Variants in SH3GL1 observed in about 807,000 individuals in gnomAD.
The protein encoded by SH3GL1 is SH3 domain containing GRB2 like 1, endophilin A2.
In SH3GL1, 21 loss-of-function variants were observed where a neutral mutation model predicts 48.8. That is an observed-to-expected ratio of 0.43 (90% confidence interval 0.30 to 0.62). The LOEUF is 0.62. SH3GL1 is among the 20% of genes least tolerant of loss of function. The probability of loss-of-function intolerance (pLI) is 0.11; values close to 1 mark genes in which losing one functional copy is unlikely to be tolerated. For missense variants in SH3GL1, 454 were observed against 503.0 expected (o/e 0.90, Z 0.93); for synonymous variants, 282 against 217.5 (o/e 1.30, Z -2.61).
chr19:4,372,356 G>A (rs968600934), intron 1 of SH3GL1, among the ~76,000 whole-genome samples: 2 of 152,226 alleles, frequency 1.3e-5, no homozygotes, highest in Non-Finnish European at 2.9e-5. Flanking sequence ...CGAGTGCTCA[G>A]CCCCTCCTCA....
chr19:4,362,285 C>T (rs370030379), intron 9 of SH3GL1, 44 bp downstream of exon 9: 145 of 1,590,288 alleles, frequency 9.1e-5, no homozygotes, highest in Middle Eastern at 3.3e-4. Context: ...CCCGAATGGC[C>T]GAGAAGGCAG....
chr19:4,394,008 C>A (rs1267269084), intron 1 of SH3GL1, among the ~76,000 whole-genome samples: 2 of 151,170 alleles, frequency 1.3e-5, no homozygotes, highest in East Asian at 3.9e-4. Context: ...AACCCAGGGC[C>A]TAAGGAGCAT....
intron 1 of SH3GL1, among the ~76,000 whole-genome samples, chr19:4,393,338 G>A (rs1394916324): frequency 2.0e-5 from 3 of 151,932 alleles, no homozygotes; most frequent in African/African-American, 4.8e-5. Flanking sequence ...AAAAGGTCAG[G>A]GCCAAGCACA....
chr19:4,393,731 AGT>A (rs1973377978), intron 1 of SH3GL1, among the ~76,000 whole-genome samples: 1 of 152,182 alleles, frequency 6.6e-6, no homozygotes, highest in Non-Finnish European at 1.5e-5. Context: ...CAGAGGTTGC[AGT>A]GAGCAGAGAT....
At chr19:4,370,231 G>A (rs1226921584) in intron 1 of SH3GL1, among the ~76,000 whole-genome samples, 1 of 152,216 alleles carries the variant, frequency 6.6e-6, no homozygotes, top group Admixed American at 6.5e-5. Context: ...CTACCGGTGG[G>A]GAGGGAGGAC....
chr19:4,387,760 G>A (rs1413778226), intron 1 of SH3GL1, among the ~76,000 whole-genome samples: 17 of 152,026 alleles, frequency 1.1e-4, no homozygotes, highest in Admixed American at 1.1e-3. Context: ...CTTGGCTCAA[G>A]GCAACCTTCA....
At chr19:4,374,865 G>A (rs755028725) in intron 1 of SH3GL1, among the ~76,000 whole-genome samples, 7 of 152,126 alleles carry the variant, frequency 4.6e-5, no homozygotes, top group Admixed American at 2.0e-4. Flanking sequence ...CCTGGTGGCC[G>A]TATGGGGCCT....
At chr19:4,396,716 C>A (rs990046041) in intron 1 of SH3GL1, among the ~76,000 whole-genome samples, 2 of 151,958 alleles carry the variant, frequency 1.3e-5, no homozygotes, top group African/African-American at 4.8e-5. Context: ...ACATTTGGGG[C>A]CAGGTAATTC....
intron 1 of SH3GL1, among the ~76,000 whole-genome samples, chr19:4,387,661 T>G (rs1356660630): frequency 6.6e-6 from 1 of 152,038 alleles, no homozygotes; most frequent in African/African-American, 2.4e-5. Context: ...TTCACTCTAT[T>G]GTTTTGCTGC....
In SH3GL1 at chr19:4,400,097, C is replaced by T. The variant is rs377073093; in HGVS notation, c.45+227G>A. Among the ~76,000 whole-genome samples the T allele has an allele frequency of 1.3e-3, 199 of 152,250 alleles. 4 individuals carry two copies. The highest frequency in any genetic ancestry group is 4.3e-3 in the African/African-American group (177 of 41,562). Reference sequence around the variant, plus strand: ...CCCTGGGCAGCCCAGGGTGCCTCTCCCCTCCTCCCAGGGGCTCTGTCCCCG... The same window carrying T: ...CCCTGGGCAGCCCAGGGTGCCTCTCTCCTCCTCCCAGGGGCTCTGTCCCCG... On this transcript the variant is annotated intron_variant, in intron 1 of 9. Transcript: ENST00000269886. The surrounding 1 kb of genome is among the most constrained non-coding windows in gnomAD (Gnocchi z 4.1).
At position 4,396,861 on chromosome 19, in the gene SH3GL1, G is replaced by A. The variant is rs12975340; in HGVS notation, c.45+3463C>T. ...CCAGACATTGTCAATGTCCCCTGGA[G>A]GACAGAACTGGCCCTGTTTTACAGG... On this transcript the variant is annotated intron_variant, in intron 1 of 9. Coordinates refer to ENST00000269886, the MANE Select transcript of SH3GL1 (RefSeq NM_003025.4). 7.7e-3 allele frequency among the ~76,000 whole-genome samples: 1,172 copies of A among 152,286 alleles called. 10 individuals carry two copies. Among genetic ancestry groups the A allele is most frequent in the Non-Finnish European group, 0.014 (948 of 68,018 alleles).
At chr19:4,381,344 G>A (rs1973124003) in intron 1 of SH3GL1, among the ~76,000 whole-genome samples, 1 of 89,188 alleles carries the variant, frequency 1.1e-5, no homozygotes, top group Non-Finnish European at 2.1e-5. Context: ...TGTCCCCTCT[G>A]CCTCTCTCTG....
At chr19:4,388,728 G>A (rs1203241796) in intron 1 of SH3GL1, among the ~76,000 whole-genome samples, 1 of 152,252 alleles carries the variant, frequency 6.6e-6, no homozygotes, top group Non-Finnish European at 1.5e-5. Context: ...AGCAGCAGGT[G>A]CATTTCAGCC....
Position 4,400,336 on chromosome 19 carries a change from G to A in SH3GL1, c.33C>T (p.Tyr11=). 1.9e-6 allele frequency: 3 copies of A among 1,597,592 alleles called. No homozygotes were observed. The highest frequency in any genetic ancestry group is 2.6e-6 in the Non-Finnish European group (3 of 1,175,208). MSVAGLKKQF[Y]KASQLVSEKV... is the part of the protein sequence containing the mutation. ...GGCCTGCGCTCACCTGGCTCGCCTTGTAGAACTGCTTCTTCAGCCCCGCCA... is the reference window on the plus strand; with the variant it reads ...GGCCTGCGCTCACCTGGCTCGCCTTATAGAACTGCTTCTTCAGCCCCGCCA... Residue 11 remains tyrosine, a synonymous_variant, in exon 1 of 10, where the codon TAC becomes TAT. Transcript: ENST00000269886. The surrounding 1 kb of genome is among the most constrained non-coding windows in gnomAD (Gnocchi z 4.1).
At chr19:4,398,517 G>C (rs1973462840) in intron 1 of SH3GL1, among the ~76,000 whole-genome samples, 1 of 151,854 alleles carries the variant, frequency 6.6e-6, no homozygotes, top group Non-Finnish European at 1.5e-5. Flanking sequence ...TTAGTAGCTG[G>C]GGTTACAGGC....
At chr19:4,365,078 C>T (rs549217050) in intron 4 of SH3GL1, among the ~76,000 whole-genome samples, 1 of 151,998 alleles carries the variant, frequency 6.6e-6, no homozygotes, top group African/African-American at 2.4e-5. Flanking sequence ...TAACAGCCCC[C>T]CAACACTCTA....
In SH3GL1 at chr19:4,363,721, T is replaced by C; in HGVS notation, c.623A>G (p.Asp208Gly). 1 of 1,613,184 alleles carries C rather than the reference T, an allele frequency of 6.2e-7. No homozygotes were observed. Among genetic ancestry groups the C allele is most frequent in the Non-Finnish European group, 8.5e-7 (1 of 1,179,980 alleles). Residue 208 changes from aspartate (D) to glycine (G), a missense_variant and splice_region_variant, in exon 6 of 10, where the codon GAC becomes GGC. Coordinates refer to ENST00000269886, the MANE Select transcript of SH3GL1 (RefSeq NM_003025.4). ...ETSMHNLLET[D>G]IEQVSQLSAL... ...GATGTGACACCCCGAGCTACTCACG[T>C]CAGTCTCCAGGAGGTTGTGCATGCT...
chr19:4,382,592 C>A (rs973124771), intron 1 of SH3GL1, among the ~76,000 whole-genome samples: 1 of 152,162 alleles, frequency 6.6e-6, no homozygotes, highest in Non-Finnish European at 1.5e-5. Flanking sequence ...TCTGATGGGA[C>A]TGGGCCCTTG....
Position 4,363,783 on chromosome 19 carries a change from C to T in SH3GL1, c.561G>A (p.Leu187=). The T allele has an allele frequency of 6.2e-7, 1 of 1,613,852 alleles. No homozygotes were observed. The change falls in exon 6 of 10, where the codon CTG becomes CTA. Residue 187 remains leucine (L), a synonymous_variant. Transcript: ENST00000269886. Reference sequence around the variant, plus strand: ...CCTCCTTGGACTCCTCGAACTTCTCCAGCGCCTGGCGTAGCTCCTCATCGG... The same window carrying T: ...CCTCCTTGGACTCCTCGAACTTCTCTAGCGCCTGGCGTAGCTCCTCATCGG... ...KIPDEELRQA[L]EKFEESKEVA... is the part of the protein sequence containing the mutation.
Sources: allele counts gnomAD v4.1 joint callset (sites outside exome capture counted in the v4.1 genomes callset), GRCh38; gene constraint gnomAD v4.1.1; non-coding constraint Gnocchi (gnomAD v3.1); transcripts MANE v1.5; gene names NCBI Gene and HGNC (gene_info 2026-07-23, HGNC 2026-07-21).